Variants in GRIK2 observed in about 807,000 individuals in gnomAD.
The protein encoded by GRIK2 is glutamate ionotropic receptor kainate type subunit 2, also known as glutamate receptor ionotropic, kainate 2.
GRIK2 carries 32 observed loss-of-function variants against 100.3 expected under a neutral mutation model. That is an observed-to-expected ratio of 0.32 (90% CI 0.24 to 0.43). GRIK2 has a LOEUF of 0.43. GRIK2 is among the 20% of genes least tolerant of loss of function. The probability of loss-of-function intolerance (pLI) is 1.00; values close to 1 mark genes in which losing one functional copy is unlikely to be tolerated. For missense variants in GRIK2, 843 were observed against 1,114.9 expected (o/e 0.76, Z 3.47); for synonymous variants, 417 against 389.4 (o/e 1.07, Z -0.83).
chr6:102,001,258 A>T (rs1322485289), intron 14 of GRIK2, among the ~76,000 whole-genome samples: 2 of 150,722 alleles, frequency 1.3e-5, no homozygotes, highest in African/African-American at 4.9e-5. Context: ...TTACACAGGT[A>T]TACATGTGCC....
At chr6:101,541,187 T>G (rs537294973) in intron 2 of GRIK2, among the ~76,000 whole-genome samples, 3 of 152,092 alleles carry the variant, frequency 2.0e-5, no homozygotes, top group African/African-American at 7.2e-5. Context: ...AACACTTCTG[T>G]GGCCAAAGCA....
intron 14 of GRIK2, among the ~76,000 whole-genome samples, chr6:101,968,408 G>A (rs1792832222): frequency 6.6e-6 from 1 of 151,892 alleles, no homozygotes; most frequent in Non-Finnish European, 1.5e-5. Context: ...CTATTAACAA[G>A]AATAATTTGC....
At chr6:101,938,051 C>T (rs78507952) in intron 14 of GRIK2, among the ~76,000 whole-genome samples, 7,114 of 152,016 alleles carry the variant, frequency 0.047, 243 homozygotes, top group Admixed American at 0.11. Context: ...CCAAAAGCCA[C>T]ATTATTCTAA....
intron 1 of GRIK2, among the ~76,000 whole-genome samples, chr6:101,396,318 A>C (rs1056216164): frequency 6.7e-6 from 1 of 149,536 alleles, no homozygotes; most frequent in Non-Finnish European, 1.5e-5. Context: ...TAACAGATGG[A>C]AATCTGGAGG....
chr6:101,869,088 T>C (rs1399385575), intron 11 of GRIK2, among the ~76,000 whole-genome samples: 1 of 151,918 alleles, frequency 6.6e-6, no homozygotes, highest in Non-Finnish European at 1.5e-5. Context: ...TCAAATACAC[T>C]ATTTTTAGTG....
At chr6:101,809,936 T>C (rs893470528) in intron 9 of GRIK2, among the ~76,000 whole-genome samples, 6 of 151,988 alleles carry the variant, frequency 3.9e-5, no homozygotes, top group African/African-American at 1.4e-4. Flanking sequence ...TTATGAATGA[T>C]GTTTATGTTT....
intron 9 of GRIK2, among the ~76,000 whole-genome samples, chr6:101,807,151 T>C (rs1781056104): frequency 6.6e-6 from 1 of 151,992 alleles, no homozygotes; most frequent in Admixed American, 6.6e-5. Flanking sequence ...TTGCTTTTCC[T>C]AGCTTTGCTC....
chr6:101,534,830 C>CT lies in GRIK2; in HGVS notation c.116-87110dup, dbSNP rs1018018664. ...GAATAAAAGTTCACCATCATAATGA[C>CT]TTTTTTTTTCAAAGCTTTTGATTTT... On this transcript the variant is annotated intron_variant, in intron 2 of 16. Coordinates refer to ENST00000369134, the MANE Select transcript of GRIK2 (RefSeq NM_021956.5). Among the ~76,000 whole-genome samples the CT allele has an allele frequency of 2.8e-3, 419 of 150,798 alleles. 2 individuals carry two copies. The highest frequency in any genetic ancestry group is 9.5e-3 in the African/African-American group (389 of 41,108).
At chr6:101,731,261 C>T (rs1460127248) in intron 7 of GRIK2, among the ~76,000 whole-genome samples, 1 of 151,918 alleles carries the variant, frequency 6.6e-6, no homozygotes, top group African/African-American at 2.4e-5. Flanking sequence ...TTCATGCCTG[C>T]CCTCAGTTAC....
chr6:101,659,726 A>G (rs1769466439), intron 4 of GRIK2, among the ~76,000 whole-genome samples: 1 of 152,118 alleles, frequency 6.6e-6, no homozygotes, highest in Non-Finnish European at 1.5e-5. Context: ...TCTTTTGCTT[A>G]TGAAGCTTAG....
chr6:101,444,111 G>A (rs1770237823), intron 2 of GRIK2, among the ~76,000 whole-genome samples: 1 of 151,532 alleles, frequency 6.6e-6, no homozygotes, highest in African/African-American at 2.4e-5. Context: ...TTGAGACGGG[G>A]TCTTGCTCTG....
chr6:101,739,922 T>TC (rs772676220), intron 7 of GRIK2, among the ~76,000 whole-genome samples: 4 of 152,124 alleles, frequency 2.6e-5, no homozygotes, highest in Non-Finnish European at 4.4e-5. Context: ...ATTTTTTTTT[T>TC]CATGATCATC....
intron 12 of GRIK2, among the ~76,000 whole-genome samples, chr6:101,917,537 T>A (rs1789196750): frequency 6.6e-6 from 1 of 151,620 alleles, no homozygotes; most frequent in African/African-American, 2.4e-5. Flanking sequence ...AATTACCTGT[T>A]TTCCATTTCT....
intron 2 of GRIK2, among the ~76,000 whole-genome samples, chr6:101,563,349 A>C (rs924193507): frequency 6.6e-6 from 1 of 152,352 alleles, no homozygotes; most frequent in South Asian, 2.1e-4. Context: ...CTGAAAACAT[A>C]GTTTTAATCA....
intron 15 of GRIK2, among the ~76,000 whole-genome samples, chr6:102,050,220 C>T (rs1047098059): frequency 6.7e-6 from 1 of 150,098 alleles, no homozygotes; most frequent in Admixed American, 6.7e-5. Flanking sequence ...ACATTTCATT[C>T]TACAAGTAAG....
chr6:101,770,298 C>T (rs1778316879), intron 7 of GRIK2, among the ~76,000 whole-genome samples: 1 of 152,068 alleles, frequency 6.6e-6, no homozygotes. Context: ...TCCTCTGAGT[C>T]CTTGCCCATA....
At chr6:101,791,035 T>C (rs1562388586) in intron 7 of GRIK2, among the ~76,000 whole-genome samples, 1 of 152,236 alleles carries the variant, frequency 6.6e-6, no homozygotes, top group Non-Finnish European at 1.5e-5. Flanking sequence ...TTTGTATTTC[T>C]GTGGGATCGG....
At chr6:101,954,076 T>C (rs2128480128) in intron 14 of GRIK2, among the ~76,000 whole-genome samples, 1 of 152,292 alleles carries the variant, frequency 6.6e-6, no homozygotes, top group East Asian at 1.9e-4. Context: ...TGTAAGGGTT[T>C]ATTTCTGAAC....
chr6:101,789,477 G>T (rs1299038448), intron 7 of GRIK2, among the ~76,000 whole-genome samples: 2 of 152,090 alleles, frequency 1.3e-5, no homozygotes, highest in Admixed American at 6.6e-5. Flanking sequence ...TTTCCCCATT[G>T]CTTGTTTTTC....
Sources: gnomAD v4.1 joint callset for allele counts (sites outside exome capture counted in the v4.1 genomes callset) on GRCh38, gnomAD v4.1.1 for gene constraint, MANE v1.5 for transcripts, NCBI Gene and HGNC (gene_info 2026-07-23, HGNC 2026-07-21) for gene names.